Variants in EOLA2 observed in about 807,000 individuals in gnomAD.
The protein encoded by EOLA2 is protein EOLA2.
A neutral mutation model predicts 4.1 loss-of-function variants in EOLA2; 3 were observed. That is an observed-to-expected ratio of 0.73 (90% CI 0.33 to 1.89). The LOEUF (loss-of-function observed/expected upper bound fraction) is 1.89. Among genes scored for constraint, EOLA2 ranks in the 40% most tolerant of loss-of-function variants. EOLA2 has a pLI of 0.08. For missense variants in EOLA2, 109 were observed against 126.4 expected (o/e 0.86, Z 0.66); for synonymous variants, 52 against 51.7 (o/e 1.01, Z -0.03).
chrX:149,934,295 C>A, intron 2 of EOLA2, 158 bp from the exon 3 acceptor site: 1 of 655,364 alleles, frequency 1.5e-6, no homozygotes, highest in Non-Finnish European at 1.9e-6. Context: ...GACAGTCCCA[C>A]GCTCTGCTTC....
chrX:149,935,646 C>G (rs1240297590), intron 2 of EOLA2, among the ~76,000 whole-genome samples: 1 of 102,834 alleles, frequency 9.7e-6, no homozygotes, highest in Non-Finnish European at 2.0e-5. Context: ...ACACTCCTTC[C>G]CTTCTTCTGG....
At chrX:149,932,104 G>A, downstream of EOLA2, 1 of 776,056 alleles carries the variant, frequency 1.3e-6, no homozygotes, top group Non-Finnish European at 1.5e-6. Flanking sequence ...CAGACTTTCT[G>A]TAATGTCGCC....
rs1489381973 is a variant in EOLA2, at chrX:149,932,364, C to T, written c.*180G>A. On this transcript the variant is annotated 3_prime_UTR_variant, in exon 5 of 5. Transcript: ENST00000370406. ...CACACAAGGAAAGCCCCACCCCCTA[C>T]TTCCTTCATCTGAGCAAAGGAACCT... 218 of 1,008,272 alleles carry T rather than the reference C, an allele frequency of 2.2e-4. No homozygotes were observed. Among genetic ancestry groups the T allele is most frequent in the Non-Finnish European group, 2.8e-4 (217 of 770,297 alleles). The allele number at this position is 1,008,272 out of a possible 1,213,427, so 83.1% of individuals were successfully genotyped here.
chrX:149,934,568 T>C lies in EOLA2; in HGVS notation c.-162-431A>G, dbSNP rs1313414520. ...CTGTCAGCAGACGCCCCTGTCCCAA[T>C]CTGAGCTGAGAAAAGAAGAATGATA... On this transcript the variant is annotated intron_variant, in intron 2 of 4. Transcript: ENST00000370406. The C allele has an allele frequency of 9.3e-6, 7 of 752,174 alleles. No individual in the cohort carries two copies. The East Asian group carries it at 1.1e-3, about 115-fold the overall frequency. The allele number at this position is 752,174 out of a possible 1,213,427, so 62.0% of individuals were successfully genotyped here.
At chrX:149,937,345 T>A (rs1438428536) in intron 2 of EOLA2, 88 bp downstream of exon 2, 1 of 263,862 alleles carries the variant, frequency 3.8e-6, no homozygotes, top group Admixed American at 9.2e-5. Flanking sequence ...AACAACTGTG[T>A]GTGTGTGGAA....
At chrX:149,937,554 G>T in intron 1 of EOLA2, 74 bp from the exon 2 acceptor site, 1 of 224,743 alleles carries the variant, frequency 4.4e-6, no homozygotes, top group Non-Finnish European at 6.5e-6. Flanking sequence ...GCCCTAGGAA[G>T]GTCTTCTACT....
intron 2 of EOLA2, among the ~76,000 whole-genome samples, chrX:149,935,171 T>G (rs1227037539): frequency 1.1e-5 from 1 of 88,540 alleles, no homozygotes; most frequent in Non-Finnish European, 2.2e-5. Context: ...AAAGCCCTGA[T>G]AGGGCCAAAG....
intron 4 of EOLA2, 147 bp downstream of exon 4, chrX:149,933,475 G>A: frequency 1.3e-6 from 1 of 757,350 alleles, no homozygotes; most frequent in Non-Finnish European, 1.9e-6. Context: ...CAAGGTCCTT[G>A]CCGCCCCTTT....
chrX:149,933,680 A>G lies in EOLA2; in HGVS notation c.195T>C (p.Pro65=). Residue 65 remains proline, a synonymous_variant, in exon 4 of 5, where the codon CCT becomes CCC. Coordinates refer to ENST00000370406, the MANE Select transcript of EOLA2 (RefSeq NM_001013845.2). ...ELLVERLGMT[P]AQIQALLRKG... ...TCCTGAGCAAGGCCTGAATCTGAGCAGGAGTCATCCCGAGTCTCTCCACCA... is the reference window on the plus strand; with the variant it reads ...TCCTGAGCAAGGCCTGAATCTGAGCGGGAGTCATCCCGAGTCTCTCCACCA... The G allele has an allele frequency of 8.3e-7, 1 of 1,208,163 alleles. No individual in the cohort carries two copies. The highest frequency in any genetic ancestry group is 1.1e-6 in the Non-Finnish European group (1 of 894,928).
chrX:149,937,988 A>T (rs1454077377), intron 1 of EOLA2, among the ~76,000 whole-genome samples: 1 of 112,980 alleles, frequency 8.9e-6, no homozygotes, highest in Non-Finnish European at 1.9e-5. Flanking sequence ...TGTGTGGAGC[A>T]GCACTTGCAG....
At position 149,932,360 on chromosome X, in the gene EOLA2, C is replaced by G. The variant is rs1557374467; in HGVS notation, c.*184G>C. 6 of 1,011,604 alleles carry G rather than the reference C, an allele frequency of 5.9e-6. No homozygotes were observed. Among genetic ancestry groups the G allele is most frequent in the Admixed American group, 3.9e-5 (1 of 25,519 alleles). The allele number at this position is 1,011,604 out of a possible 1,213,427, so 83.4% of individuals were successfully genotyped here. ...GCATCACACAAGGAAAGCCCCACCC[C>G]CTACTTCCTTCATCTGAGCAAAGGA... is the stretch of plus-strand genomic sequence containing the variant. On this transcript the variant is annotated 3_prime_UTR_variant, in exon 5 of 5. Coordinates refer to ENST00000370406, the MANE Select transcript of EOLA2 (RefSeq NM_001013845.2).
downstream of EOLA2, chrX:149,930,830 C>A: frequency 1.3e-6 from 1 of 752,913 alleles, no homozygotes; most frequent in Non-Finnish European, 1.7e-6. Context: ...GTCCTTCAGG[C>A]GCTCTGGCAT....
At chrX:149,937,372 A>T (rs5945553) in intron 2 of EOLA2, 61 bp downstream of exon 2, 7,506 of 373,542 alleles carry the variant, frequency 0.02, 83 homozygotes, top group Non-Finnish European at 0.023. Context: ...GTAGGAACTG[A>T]TGTAACTGAA....
chrX:149,936,802 A>AT (rs1411656222), intron 2 of EOLA2, among the ~76,000 whole-genome samples: 1 of 105,309 alleles, frequency 9.5e-6, no homozygotes. Context: ...CGAGTTTGCC[A>AT]TTTGACAGCA....
intron 1 of EOLA2, among the ~76,000 whole-genome samples, 195 bp from the exon 2 acceptor site, chrX:149,937,675 G>A (rs782316903): frequency 8.9e-6 from 1 of 112,434 alleles, no homozygotes; most frequent in African/African-American, 3.2e-5. Context: ...CTCCACATCT[G>A]TCTGGGTCAC....
chrX:149,933,659 G>T lies in EOLA2; in HGVS notation c.216C>A (p.Leu72=), dbSNP rs781923135. 8.3e-7 allele frequency: 1 copy of T among 1,205,264 alleles called. No individual in the cohort carries two copies. The highest frequency in any genetic ancestry group is 1.1e-6 in the Non-Finnish European group (1 of 894,246). ...CTCGACCAAACTTTTCCCCTTTCCT[G>T]AGCAAGGCCTGAATCTGAGCAGGAG... The part of the protein sequence containing the change: ...GMTPAQIQAL[L]RKGEKFGRGV... The change falls in exon 4 of 5, where the codon CTC becomes CTA. Residue 72 remains leucine, a synonymous_variant. Coordinates refer to ENST00000370406, the MANE Select transcript of EOLA2 (RefSeq NM_001013845.2).
downstream of EOLA2, chrX:149,931,247 A>G (rs1317327930): frequency 2.1e-6 from 1 of 471,045 alleles, no homozygotes; most frequent in Non-Finnish European, 3.0e-6. Context: ...AAAGAAAAAC[A>G]AAATTCCATG....
At position 149,933,994 on chromosome X, in the gene EOLA2, A is replaced by G; in HGVS notation, c.-30+11T>C. 1 of 1,134,388 alleles carries G rather than the reference A, an allele frequency of 8.8e-7. No individual in the cohort carries two copies. 93.5% of individuals were successfully genotyped at this position (1,134,388 alleles called of 1,213,427 possible). On this transcript the variant is annotated intron_variant, in intron 3 of 4. Coordinates refer to ENST00000370406, the MANE Select transcript of EOLA2 (RefSeq NM_001013845.2). ...CCCCCGTGTCTCTCAGGTGGCCTAA[A>G]TCGCACTGACCTTGATGGTCTGCTG...
intron 1 of EOLA2, 67 bp downstream of exon 1, chrX:149,938,126 C>G (rs782614514): frequency 1.8e-5 from 2 of 113,417 alleles, no homozygotes; most frequent in Non-Finnish European, 3.7e-5. Context: ...GGAAAGAAAC[C>G]CCAGCCCGCA....
Sources: allele counts gnomAD v4.1 joint callset (sites outside exome capture counted in the v4.1 genomes callset), GRCh38; gene constraint gnomAD v4.1.1; transcripts MANE v1.5; gene names NCBI Gene and HGNC (gene_info 2026-07-23, HGNC 2026-07-21).